The following MPP7 variants were observed in gnomAD, a reference collection of about 807,000 sequenced individuals.
MPP7 encodes MAGUK p55 subfamily member 7.
In MPP7, 60 loss-of-function variants were observed where a neutral mutation model predicts 76.5. That is an observed-to-expected ratio of 0.78 (90% confidence interval 0.64 to 0.97). The LOEUF is 0.97. MPP7 is among the 50% of genes least tolerant of loss of function. The pLI is 0.00. For missense variants in MPP7, 641 were observed against 694.0 expected (o/e 0.92, Z 0.86); for synonymous variants, 237 against 244.5 (o/e 0.97, Z 0.29).
intron 1 of MPP7, among the ~76,000 whole-genome samples, chr10:28,280,681 T>G (rs1224025801): frequency 6.6e-6 from 1 of 152,046 alleles, no homozygotes; most frequent in Non-Finnish European, 1.5e-5. Flanking sequence ...GTAATAAAGT[T>G]TCCCAGAATC....
chr10:28,173,090 A>G (rs7903957), intron 3 of MPP7, among the ~76,000 whole-genome samples: 136,616 of 152,030 alleles, frequency 0.9, 61,415 homozygotes, highest in South Asian at 0.94. Context: ...GAGGAACAAC[A>G]GTGGCAAAAC....
At chr10:28,152,314 G>A (rs1056238794) in intron 3 of MPP7, among the ~76,000 whole-genome samples, 8 of 152,096 alleles carry the variant, frequency 5.3e-5, no homozygotes, top group Non-Finnish European at 8.8e-5. Context: ...CCTGTGTTGC[G>A]TATGTGTTTT....
At chr10:28,328,761 A>G (rs956763587) in intron 2 of MPP7, among the ~76,000 whole-genome samples, 1 of 152,154 alleles carries the variant, frequency 6.6e-6, no homozygotes, top group Admixed American at 6.5e-5. Flanking sequence ...CAGATTTTGT[A>G]TAAATTCAGC....
chr10:28,146,246 G>A (rs555212987), intron 5 of MPP7, among the ~76,000 whole-genome samples: 1 of 152,058 alleles, frequency 6.6e-6, no homozygotes, highest in Non-Finnish European at 1.5e-5. Context: ...TGTTCTTTCA[G>A]AACAAAAATT....
chr10:28,108,384 G>A (rs1327477169), intron 11 of MPP7, among the ~76,000 whole-genome samples: 1 of 152,178 alleles, frequency 6.6e-6, no homozygotes, highest in Non-Finnish European at 1.5e-5. Flanking sequence ...GTTGGGCACA[G>A]TGGCTCATGC....
At chr10:28,246,031 G>A (rs538262603) in intron 1 of MPP7, among the ~76,000 whole-genome samples, 1 of 152,222 alleles carries the variant, frequency 6.6e-6, no homozygotes, top group African/African-American at 2.4e-5. Context: ...ATGGGAGTCT[G>A]AGAAGAACAG....
intron 1 of MPP7, among the ~76,000 whole-genome samples, chr10:28,282,556 G>A (rs1840702759): frequency 6.6e-6 from 1 of 152,038 alleles, no homozygotes; most frequent in African/African-American, 2.4e-5. Flanking sequence ...AGAAATGAGA[G>A]CTGAAACCAA....
chr10:28,200,976 A>C (rs557749516), intron 3 of MPP7, among the ~76,000 whole-genome samples: 2 of 152,312 alleles, frequency 1.3e-5, no homozygotes, highest in Admixed American at 1.3e-4. Context: ...CAGTCAACTT[A>C]AAAATATTTT....
rs992886081 is a variant in MPP7, at chr10:28,271,074, C to T, written c.-132+31787G>A. ...TAATTTTTTTAAGAATTATATCAAT[C>T]AAAATGGTTTGTGTGCATAATTCGA... On this transcript the variant is annotated intron_variant, in intron 1 of 16. Coordinates refer to ENST00000683449, the MANE Select transcript of MPP7 (RefSeq NM_001318170.2). 6.6e-5 allele frequency among the ~76,000 whole-genome samples: 10 copies of T among 152,088 alleles called. No homozygotes were observed. The East Asian group carries it at 1.7e-3, about 26-fold the overall frequency.
chr10:28,051,049 C>T lies in MPP7; in HGVS notation c.*3016G>A, dbSNP rs1851342268. ...AGACATGGCAAGTTCAATTACATCA[C>T]TTCATATCACAGTAGAAAATATAAT... On this transcript the variant is annotated 3_prime_UTR_variant, in exon 17 of 17. Transcript: ENST00000683449. The T allele has an allele frequency of 6.6e-6, 1 of 152,126 alleles. No individual in the cohort carries two copies. The highest frequency in any genetic ancestry group is 6.5e-5 in the Admixed American group (1 of 15,274). The allele number at this position is 152,126 out of a possible 1,614,324, so 9.4% of individuals were successfully genotyped here.
chr10:28,226,990 A>G lies in MPP7; in HGVS notation c.37+11578T>C, dbSNP rs1236817898. 3.3e-5 allele frequency among the ~76,000 whole-genome samples: 5 copies of G among 152,234 alleles called. No individual in the cohort carries two copies. In the East Asian group the frequency reaches 9.6e-4, roughly 29 times the overall value. On this transcript the variant is annotated intron_variant, in intron 2 of 16. Coordinates refer to ENST00000683449, the MANE Select transcript of MPP7 (RefSeq NM_001318170.2). The stretch of plus-strand genomic sequence containing the variant: ...CTTACCATTAAAGGAAGCTACTGAT[A>G]TGACAAACATTGAGGCATACTCTCT...
chr10:28,059,737 G>T lies in MPP7; in HGVS notation c.1211C>A (p.Thr404Asn). Residue 404 changes from threonine to asparagine, a missense_variant, in exon 14 of 17, where the codon ACC becomes AAC. By Grantham distance (65) the Thr-to-Asn change is moderately conservative. Transcript: ENST00000683449. ...ACTCTCCTGGCTTCTTCTTGCTCTG[G>T]TGGTATCTATGATTTAATGAAAAGG... Reference protein sequence around the residue: ...QHYGVTVPHTTRARRSQESDG... With the variant: ...QHYGVTVPHTNRARRSQESDG... 1.2e-6 allele frequency: 2 copies of T among 1,609,870 alleles called. No homozygotes were observed. Among genetic ancestry groups the T allele is most frequent in the Non-Finnish European group, 1.7e-6 (2 of 1,176,842 alleles).
intron 1 of MPP7, among the ~76,000 whole-genome samples, chr10:28,254,542 G>T (rs1266823893): frequency 2.0e-5 from 3 of 152,118 alleles, no homozygotes; most frequent in African/African-American, 7.2e-5. Flanking sequence ...TCCAAGATTT[G>T]CTATGCCTCA....
At chr10:28,174,729 G>GTA (rs1325054489) in intron 3 of MPP7, among the ~76,000 whole-genome samples, 5 of 152,134 alleles carry the variant, frequency 3.3e-5, no homozygotes, top group African/African-American at 1.2e-4. Context: ...CCATTCCTTA[G>GTA]TATATACCCA....
intron 13 of MPP7, among the ~76,000 whole-genome samples, chr10:28,063,720 T>C (rs11006823): frequency 0.14 from 20,657 of 152,028 alleles, 2,336 homozygotes; most frequent in East Asian, 0.62. Context: ...GAATCTAATG[T>C]CTGATGATCT....
rs748926199 is a variant in MPP7 at position 28,120,196 on chromosome 10, T to C, written c.885A>G (p.Glu295=). ...ATTATTATGTACCAGCAGCTCACCT[T>C]TCCTGGAAATGCTTTGAGGGGATCA... ...AGLIPSKHFQ[E]RRLALRRPEI... is the part of the protein sequence containing the mutation. Residue 295 remains glutamate (E), a splice_region_variant and synonymous_variant, in exon 10 of 17, where the codon GAA becomes GAG. Transcript: ENST00000683449. 6.2e-7 allele frequency: 1 copy of C among 1,612,576 alleles called. No individual in the cohort carries two copies. Among genetic ancestry groups the C allele is most frequent in the Non-Finnish European group, 8.5e-7 (1 of 1,179,436 alleles).
intron 2 of MPP7, among the ~76,000 whole-genome samples, chr10:28,225,409 T>C (rs1838656008): frequency 6.6e-6 from 1 of 152,132 alleles, no homozygotes; most frequent in Non-Finnish European, 1.5e-5. Context: ...GAGAAAATAT[T>C]TGCAGATCAT....
intron 15 of MPP7, among the ~76,000 whole-genome samples, chr10:28,057,297 A>G (rs1433903349): frequency 6.6e-6 from 1 of 152,182 alleles, no homozygotes; most frequent in Non-Finnish European, 1.5e-5. Context: ...GTTGTAATGT[A>G]ATCCCCACTG....
At chr10:28,182,742 C>G (rs967834807) in intron 3 of MPP7, among the ~76,000 whole-genome samples, 3 of 152,194 alleles carry the variant, frequency 2.0e-5, no homozygotes, top group African/African-American at 7.2e-5. Context: ...CTATTTATAT[C>G]ACCATAAATA....
Sources: gnomAD v4.1 joint callset for allele counts (sites outside exome capture counted in the v4.1 genomes callset) on GRCh38, gnomAD v4.1.1 for gene constraint, MANE v1.5 for transcripts, NCBI Gene and HGNC (gene_info 2026-07-23, HGNC 2026-07-21) for gene names.